KLF12: variants seen among roughly 807,000 people sequenced by gnomAD.
KLF12 encodes Krueppel-like factor 12.
A neutral mutation model predicts 37.8 loss-of-function variants in KLF12; 9 were observed. The observed-to-expected ratio is 0.24, with a 90% CI of 0.14 to 0.42. KLF12 has a LOEUF of 0.42. Among genes scored for constraint, KLF12 ranks in the 10% least tolerant of loss-of-function variants. The pLI, the probability that KLF12 is intolerant of heterozygous loss-of-function variation, is 1.00. For missense variants in KLF12, 411 were observed against 516.0 expected (o/e 0.80, Z 1.97); for synonymous variants, 208 against 202.1 (o/e 1.03, Z -0.25).
intron 3 of KLF12, among the ~76,000 whole-genome samples, chr13:73,901,531 T>C (rs913597607): frequency 6.6e-6 from 1 of 152,112 alleles, no homozygotes; most frequent in Non-Finnish European, 1.5e-5. Context: ...AATTATAGGA[T>C]TGCTCACTCT....
intron 6 of KLF12, among the ~76,000 whole-genome samples, chr13:73,740,145 TAGG>T (rs1261380566): frequency 6.6e-6 from 1 of 152,234 alleles, no homozygotes; most frequent in Non-Finnish European, 1.5e-5. Flanking sequence ...GTGAAGGTAT[TAGG>T]AGGTGAAGCC....
chr13:74,080,353 T>C lies in KLF12; in HGVS notation c.-32+53386A>G, dbSNP rs555541812. On this transcript the variant is annotated intron_variant, in intron 1 of 7. Transcript: ENST00000377669. The stretch of plus-strand genomic sequence containing the variant: ...GCTACAGCTACAATGGAGGCTGAGG[T>C]GGGAGGATCTCTTGAGCCTGAAAGT... Among the ~76,000 whole-genome samples, 3 of 151,650 alleles carry C rather than the reference T, an allele frequency of 2.0e-5. No homozygotes were observed. In the South Asian group the frequency reaches 6.3e-4, roughly 32 times the overall value.
the KLF12 span, among the ~76,000 whole-genome samples, chr13:74,219,184 G>A: frequency 2.0e-5 from 3 of 152,192 alleles, no homozygotes; most frequent in East Asian, 1.9e-4. Flanking sequence ...CTGAACTCCC[G>A]ACCTTAAGTG....
At chr13:74,010,296 A>C (rs1892518691) in intron 1 of KLF12, among the ~76,000 whole-genome samples, 4 of 152,198 alleles carry the variant, frequency 2.6e-5, no homozygotes, top group Admixed American at 2.6e-4. Flanking sequence ...CCCTACACAC[A>C]TACCCCAAAA....
intron 1 of KLF12, among the ~76,000 whole-genome samples, chr13:74,094,038 T>C (rs563205526): frequency 3.3e-5 from 5 of 152,012 alleles, no homozygotes; most frequent in East Asian, 1.9e-4. Context: ...TAAATTAGTA[T>C]ATTTGATACA....
chr13:73,899,122 C>T (rs1357364610), intron 3 of KLF12, among the ~76,000 whole-genome samples: 1 of 152,188 alleles, frequency 6.6e-6, no homozygotes, highest in African/African-American at 2.4e-5. Flanking sequence ...GGGCCACCCC[C>T]CAGGAAGGGG....
intron 3 of KLF12, among the ~76,000 whole-genome samples, chr13:73,892,002 G>C (rs927660855): frequency 3.3e-5 from 5 of 151,264 alleles, no homozygotes; most frequent in South Asian, 2.1e-4. Context: ...TGATTGACTT[G>C]TCTATAGCAT....
intron 3 of KLF12, among the ~76,000 whole-genome samples, chr13:73,901,928 T>G (rs73539925): frequency 0.047 from 7,146 of 152,046 alleles, 383 homozygotes; most frequent in African/African-American, 0.13. Flanking sequence ...TCAGATGAAC[T>G]TCCCTGAAGC....
At chr13:73,985,580 T>G (rs1003571016) in intron 2 of KLF12, among the ~76,000 whole-genome samples, 17 of 152,284 alleles carry the variant, frequency 1.1e-4, no homozygotes, top group African/African-American at 4.1e-4. Context: ...TTACTTACAG[T>G]CCTGGCTCTA....
the KLF12 span, among the ~76,000 whole-genome samples, chr13:74,152,244 A>G: frequency 6.6e-6 from 1 of 152,238 alleles, no homozygotes; most frequent in Admixed American, 6.5e-5. Flanking sequence ...TGGCAGCAAT[A>G]TTATACTAAG....
At chr13:73,860,018 C>T (rs991022327) in intron 3 of KLF12, among the ~76,000 whole-genome samples, 2 of 152,062 alleles carry the variant, frequency 1.3e-5, no homozygotes, top group Non-Finnish European at 2.9e-5. Context: ...TAAAGCGGAA[C>T]TTTTGCAAAT....
chr13:73,999,004 T>C (rs1159607848), intron 1 of KLF12, among the ~76,000 whole-genome samples: 1 of 152,214 alleles, frequency 6.6e-6, no homozygotes, highest in East Asian at 1.9e-4. Context: ...GAAGAGGCAC[T>C]TGGATTTCCA....
intron 3 of KLF12, among the ~76,000 whole-genome samples, chr13:73,918,499 TA>T (rs998274717): frequency 1.3e-5 from 2 of 152,134 alleles, no homozygotes; most frequent in African/African-American, 4.8e-5. Flanking sequence ...CTATACAAGA[TA>T]TTTTTTTTAC....
chr13:73,762,296 G>C (rs148011422), intron 6 of KLF12, among the ~76,000 whole-genome samples: 2 of 152,232 alleles, frequency 1.3e-5, no homozygotes, highest in East Asian at 1.9e-4. Context: ...TTCAGCTCCA[G>C]AGGAAATGTT....
chr13:74,100,425 C>T (rs527701474), intron 1 of KLF12, among the ~76,000 whole-genome samples: 4 of 152,262 alleles, frequency 2.6e-5, no homozygotes, highest in South Asian at 2.1e-4. Context: ...CAAGGCAAGC[C>T]TGGCCAACAT....
chr13:74,115,984 G>A (rs944199522), intron 1 of KLF12, among the ~76,000 whole-genome samples: 3 of 152,120 alleles, frequency 2.0e-5, no homozygotes, highest in African/African-American at 7.2e-5. Context: ...TCACACGTGG[G>A]TATATCTTAC....
chr13:73,762,462 C>T (rs1879627329), intron 6 of KLF12, among the ~76,000 whole-genome samples: 1 of 152,166 alleles, frequency 6.6e-6, no homozygotes, highest in Non-Finnish European at 1.5e-5. Context: ...GATTTTCATA[C>T]CTTACCTATA....
intron 6 of KLF12, among the ~76,000 whole-genome samples, chr13:73,732,825 ACT>A (rs769045792): frequency 7.2e-5 from 11 of 152,092 alleles, no homozygotes; most frequent in South Asian, 4.2e-4. Context: ...CAAGCAGATA[ACT>A]CTAACTTAAC....
At position 74,119,501 on chromosome 13, in the gene KLF12, C is replaced by T. The variant is rs116538153; in HGVS notation, c.-32+14238G>A. 1.8e-3 allele frequency among the ~76,000 whole-genome samples: 270 copies of T among 152,226 alleles called. 1 individual carries two copies. The highest frequency in any genetic ancestry group is 6.0e-3 in the African/African-American group (250 of 41,528). ...AAAGAATCTAGAGGAAAGGGTAGAA[C>T]ATGCATGAACAGAGAAATTAAGCAA... On this transcript the variant is annotated intron_variant, in intron 1 of 7. Transcript: ENST00000377669.
Sources: allele counts gnomAD v4.1 joint callset (sites outside exome capture counted in the v4.1 genomes callset), GRCh38; gene constraint gnomAD v4.1.1; transcripts MANE v1.5; gene names NCBI Gene and HGNC (gene_info 2026-07-23, HGNC 2026-07-21).